The following ZNF346 variants were observed in gnomAD, a reference collection of about 807,000 sequenced individuals.
The protein encoded by ZNF346 is zinc finger protein 346, also known as double-stranded RNA-binding zinc finger protein JAZ.
ZNF346 carries 23 observed loss-of-function variants against 33.7 expected under a neutral mutation model. The observed-to-expected ratio is 0.68, with a 90% CI of 0.49 to 0.97. The LOEUF (loss-of-function observed/expected upper bound fraction) is 0.97, where lower values mean the gene tolerates loss of function less well. Ranked by LOEUF, ZNF346 falls within the 50% of genes least tolerant of loss-of-function variation. The probability of loss-of-function intolerance (pLI) is 0.00; values close to 1 mark genes in which losing one functional copy is unlikely to be tolerated. For missense variants in ZNF346, 340 were observed against 371.1 expected (o/e 0.92, Z 0.69); for synonymous variants, 134 against 142.4 (o/e 0.94, Z 0.42).
intron 5 of ZNF346, among the ~76,000 whole-genome samples, chr5:177,053,922 G>A (rs1010089220): frequency 6.6e-6 from 1 of 152,100 alleles, no homozygotes; most frequent in Non-Finnish European, 1.5e-5. Context: ...AACCAACATG[G>A]CTAAGGCACT....
intron 1 of ZNF346, among the ~76,000 whole-genome samples, chr5:177,033,161 G>A (rs1417139518): frequency 1.3e-5 from 2 of 152,134 alleles, no homozygotes; most frequent in South Asian, 4.1e-4. Context: ...CCAGAGCCTC[G>A]AACTGCTAGA....
downstream of ZNF346, among the ~76,000 whole-genome samples, chr5:177,069,899 C>T (rs1259689404): frequency 1.3e-5 from 2 of 152,078 alleles, no homozygotes; most frequent in African/African-American, 4.8e-5. Flanking sequence ...TGGGCTCAAG[C>T]GATCCACCCA....
At position 177,064,705 on chromosome 5, in the gene ZNF346, A is replaced by G. The variant is rs1432234706; in HGVS notation, c.*106A>G. 1.1e-6 allele frequency: 1 copy of G among 900,876 alleles called. No individual in the cohort carries two copies. The highest frequency in any genetic ancestry group is 1.8e-6 in the Non-Finnish European group (1 of 549,314). 55.8% of individuals were successfully genotyped at this position (900,876 alleles called of 1,614,324 possible). A position where few individuals can be genotyped will look rare whatever the true frequency, so the allele number is the denominator to read the frequency against. The stretch of plus-strand genomic sequence containing the variant: ...CTCGTTGTTCTCACCAGGAAAGTAC[A>G]CGGGCCTGAGGCAGGATTGGGCCAC... On this transcript the variant is annotated 3_prime_UTR_variant, in exon 7 of 7. Transcript: ENST00000358149.
chr5:177,023,026 C>G (rs1351155255), intron 1 of ZNF346, 113 bp downstream of exon 1: 2 of 1,435,052 alleles, frequency 1.4e-6, no homozygotes, highest in East Asian at 2.5e-5. Context: ...GTGCTGCGCC[C>G]CGGGACCCCC....
chr5:177,051,350 T>C (rs1303503159), intron 5 of ZNF346, among the ~76,000 whole-genome samples: 1 of 151,528 alleles, frequency 6.6e-6, no homozygotes, highest in Non-Finnish European at 1.5e-5. Flanking sequence ...AATTTTTTTG[T>C]ATTTTTAGTA....
chr5:177,074,583 AT>A (rs1783654662), intron 8 of ZNF346, among the ~76,000 whole-genome samples: 2 of 152,158 alleles, frequency 1.3e-5, no homozygotes, highest in African/African-American at 4.8e-5. Flanking sequence ...AGGAGTTCAC[AT>A]CCAGCCTGGG....
intron 3 of ZNF346, among the ~76,000 whole-genome samples, chr5:177,043,472 A>G (rs1028595278): frequency 1.3e-5 from 2 of 152,136 alleles, no homozygotes; most frequent in African/African-American, 4.8e-5. Flanking sequence ...CAACAAGTAG[A>G]ACGCAATGGG....
Position 177,066,561 on chromosome 5 carries a change from A to C in ZNF346, c.*1962A>C, listed in dbSNP as rs753413200. On this transcript the variant is annotated 3_prime_UTR_variant, in exon 7 of 7. Transcript: ENST00000358149. ...TTGAAAGAGCATTTTTCATGACTCA[A>C]AAATGAGCTGAGAAGGAGTGTTATG... Among the ~76,000 whole-genome samples the C allele has an allele frequency of 2.0e-5, 3 of 152,058 alleles. No individual in the cohort carries two copies. Among genetic ancestry groups the C allele is most frequent in the Admixed American group, 6.6e-5 (1 of 15,240 alleles).
chr5:177,050,619 C>T (rs1008289784), intron 4 of ZNF346, 132 bp from the exon 5 acceptor site: 1 of 913,930 alleles, frequency 1.1e-6, no homozygotes, highest in African/African-American at 1.7e-5. Flanking sequence ...TAACTGGTGT[C>T]ACAGCCCTTT....
In ZNF346 at chr5:177,064,580, C is replaced by T. The variant is rs1782966256; in HGVS notation, c.866C>T (p.Ser289Leu). 6.2e-7 allele frequency: 1 copy of T among 1,614,142 alleles called. No homozygotes were observed. Among genetic ancestry groups the T allele is most frequent in the Non-Finnish European group, 8.5e-7 (1 of 1,179,960 alleles). The stretch of plus-strand genomic sequence containing the variant: ...CAAAGGCAACCCATTCAGAAAGACT[C>T]AACCACCTTGGAAGACTAGAGGTGA... ...PMQRQPIQKDSTTLED is the reference protein window; with the variant it reads ...PMQRQPIQKDLTTLED Residue 289 changes from serine to leucine, a missense_variant, in exon 7 of 7, where the codon TCA becomes TTA. Physicochemically the swap from Ser to Leu is moderately radical, Grantham distance 145. Transcript: ENST00000358149.
chr5:177,075,069 C>CA (rs1240137744), intron 8 of ZNF346, among the ~76,000 whole-genome samples: 121 of 139,556 alleles, frequency 8.7e-4, no homozygotes, highest in African/African-American at 2.9e-3. Flanking sequence ...CCCTCCGTCT[C>CA]AAAAAAAAAA....
intron 1 of ZNF346, among the ~76,000 whole-genome samples, chr5:177,027,200 C>T (rs1186982551): frequency 6.6e-6 from 1 of 151,554 alleles, no homozygotes; most frequent in Non-Finnish European, 1.5e-5. Flanking sequence ...TTACAGGCGC[C>T]TGCCAGCACA....
At position 177,065,908 on chromosome 5, in the gene ZNF346, G is replaced by T. The variant is rs570707572; in HGVS notation, c.*1309G>T. On this transcript the variant is annotated 3_prime_UTR_variant, in exon 7 of 7. Coordinates refer to ENST00000358149, the MANE Select transcript of ZNF346 (RefSeq NM_012279.4). ...TGTGTGTATGTGTGTGCTTCTGTGT[G>T]TGCCTAATGCTCTGTCTCTTGGTCA... 6.6e-6 allele frequency: 1 copy of T among 150,498 alleles called. No individual in the cohort carries two copies. Among genetic ancestry groups the T allele is most frequent in the East Asian group, 2.0e-4 (1 of 5,114 alleles). The allele number at this position is 150,498 out of a possible 1,614,324, so 9.3% of individuals were successfully genotyped here. A position where few individuals can be genotyped will look rare whatever the true frequency, so the allele number is the denominator to read the frequency against.
chr5:177,072,944 A>G (rs1350326802), downstream of ZNF346, among the ~76,000 whole-genome samples: 1 of 152,192 alleles, frequency 6.6e-6, no homozygotes, highest in Non-Finnish European at 1.5e-5. Context: ...TGCAACCAAG[A>G]TTTCTGCCTA....
chr5:177,062,849 C>T (rs994207134), intron 6 of ZNF346, among the ~76,000 whole-genome samples: 6 of 152,144 alleles, frequency 3.9e-5, no homozygotes, highest in African/African-American at 1.4e-4. Flanking sequence ...TATAGACAAC[C>T]AGCATTCAAA....
intron 4 of ZNF346, among the ~76,000 whole-genome samples, chr5:177,048,359 C>T (rs1246303429): frequency 9.9e-5 from 15 of 152,162 alleles, no homozygotes; most frequent in East Asian, 5.8e-4. Flanking sequence ...CGGGTGCTCA[C>T]GCCTGTAATT....
At chr5:177,074,652 G>A (rs2149720135) in intron 8 of ZNF346, among the ~76,000 whole-genome samples, 1 of 152,274 alleles carries the variant, frequency 6.6e-6, no homozygotes, top group East Asian at 1.9e-4. Context: ...TCACTATTTT[G>A]TGTAAGCAGG....
At chr5:177,031,023 C>T (rs571283898) in intron 1 of ZNF346, among the ~76,000 whole-genome samples, 80 of 150,068 alleles carry the variant, frequency 5.3e-4, no homozygotes, top group Non-Finnish European at 1.1e-3. Context: ...AGAGTTCAAG[C>T]GATTCTCTTT....
rs144916400 is a variant in ZNF346, at chr5:177,050,924, A to G, written c.691A>G (p.Thr231Ala). The change falls in exon 5 of 7, where the codon ACT (threonine) becomes GCT (alanine). Residue 231 changes from threonine to alanine, a missense_variant. By Grantham distance (58) the Thr-to-Ala change is moderately conservative. Coordinates refer to ENST00000358149, the MANE Select transcript of ZNF346 (RefSeq NM_012279.4). ...TGGGCGGCTGGCGGACCCTGCTGTCACTGACTTTCCAGGTGAGGGGGCCTA... is the reference window on the plus strand; with the variant it reads ...TGGGCGGCTGGCGGACCCTGCTGTCGCTGACTTTCCAGGTGAGGGGGCCTA... Reference protein sequence around the residue: ...RYGRLADPAVTDFPAGKGYPC... With the variant: ...RYGRLADPAVADFPAGKGYPC... 175 of 1,613,976 alleles carry G rather than the reference A, an allele frequency of 1.1e-4. No individual in the cohort carries two copies. The highest frequency in any genetic ancestry group is 1.6e-4 in the Middle Eastern group (1 of 6,080).
Sources: allele counts gnomAD v4.1 joint callset (sites outside exome capture counted in the v4.1 genomes callset), GRCh38; gene constraint gnomAD v4.1.1; transcripts MANE v1.5; gene names NCBI Gene and HGNC (gene_info 2026-07-23, HGNC 2026-07-21).